The following MTBP variants were observed in gnomAD, a reference collection of about 807,000 sequenced individuals.
The protein encoded by MTBP is mdm2-binding protein.
Under a neutral mutation model 117.0 loss-of-function variants are expected in MTBP, and 101 were observed. The ratio of observed to expected loss-of-function variants is 0.86; its 90% CI spans 0.73 to 1.02. The LOEUF (loss-of-function observed/expected upper bound fraction) is 1.02, where lower values mean the gene tolerates loss of function less well. Among genes scored for constraint, MTBP ranks in the 50% least tolerant of loss-of-function variants. The pLI, the probability that MTBP is intolerant of heterozygous loss-of-function variation, is 0.00. For missense variants in MTBP, 970 were observed against 1,030.9 expected, an observed-to-expected ratio of 0.94 and a Z score of 0.81; for synonymous variants, 350 against 351.5, an observed-to-expected ratio of 1.00 and a Z score of 0.05.
intron 11 of MTBP, among the ~76,000 whole-genome samples, chr8:120,486,457 A>G (rs1814217500): frequency 6.6e-6 from 1 of 152,120 alleles, no homozygotes; most frequent in Admixed American, 6.5e-5. Context: ...TGAGGTGAAG[A>G]CATTTGGGTG....
intron 11 of MTBP, among the ~76,000 whole-genome samples, chr8:120,481,610 CAGAA>C (rs1814086819): frequency 6.6e-6 from 1 of 152,078 alleles, no homozygotes. Flanking sequence ...CAGAAGGAGA[CAGAA>C]AGCAGATCAA....
chr8:120,472,149 C>G (rs544505795), intron 11 of MTBP: 2 of 152,156 alleles, frequency 1.3e-5, no homozygotes, highest in East Asian at 3.9e-4. Flanking sequence ...AGAAATACTC[C>G]ACAGCGCCCT....
At chr8:120,466,479 G>A (rs1025067458) in intron 10 of MTBP, among the ~76,000 whole-genome samples, 8 of 151,126 alleles carry the variant, frequency 5.3e-5, no homozygotes, top group African/African-American at 1.9e-4. Context: ...GCCTCCCAAA[G>A]TGCTGGCTTT....
At chr8:120,507,906 T>TTCAAA (rs1188050719) in intron 16 of MTBP, among the ~76,000 whole-genome samples, 1 of 152,146 alleles carries the variant, frequency 6.6e-6, no homozygotes, top group African/African-American at 2.4e-5. Context: ...TTACTGTCCT[T>TTCAAA]TCAAATCATT....
intron 2 of MTBP, among the ~76,000 whole-genome samples, chr8:120,446,783 A>T (rs1191851970): frequency 6.6e-6 from 1 of 150,934 alleles, no homozygotes; most frequent in African/African-American, 2.5e-5. Flanking sequence ...TTAGTTCTGT[A>T]TAACTAAGGG....
chr8:120,515,860 T>C (rs1814906285), intron 17 of MTBP, 65 bp from the exon 18 acceptor site: 1 of 1,419,812 alleles, frequency 7.0e-7, no homozygotes, highest in Admixed American at 2.0e-5. Flanking sequence ...TATTTTCTCA[T>C]TGAAAGGGGA....
chr8:120,512,169 ATAT>A (rs1322493289), intron 17 of MTBP, among the ~76,000 whole-genome samples: 1 of 152,150 alleles, frequency 6.6e-6, no homozygotes, highest in Non-Finnish European at 1.5e-5. Context: ...AACAGTGTTT[ATAT>A]TATTATTATG....
At position 120,450,988 on chromosome 8, in the gene MTBP, G is replaced by C. The variant is rs747672303; in HGVS notation, c.200-15G>C. ...TGGTATGCCTTTTTAATAATAATGT[G>C]GTTTTATTTTCAAGCCTGTTCAGTG... On this transcript the variant is annotated splice_polypyrimidine_tract_variant and intron_variant, in intron 2 of 21. Transcript: ENST00000305949. The C allele has an allele frequency of 4.4e-6, 7 of 1,594,800 alleles. 1 individual carries two copies. In the South Asian group the frequency reaches 7.9e-5, roughly 18 times the overall value.
At chr8:120,454,475 A>G (rs2130515408) in intron 5 of MTBP, among the ~76,000 whole-genome samples, 1 of 152,150 alleles carries the variant, frequency 6.6e-6, no homozygotes, top group Admixed American at 6.5e-5. Flanking sequence ...TTAATCAAGT[A>G]GCTGTCATCT....
intron 11 of MTBP, among the ~76,000 whole-genome samples, chr8:120,485,629 C>T (rs1190041929): frequency 6.6e-6 from 1 of 152,166 alleles, no homozygotes; most frequent in Non-Finnish European, 1.5e-5. Context: ...GGACCTCTCA[C>T]AAGTATTTTC....
At chr8:120,482,471 T>A (rs548975384) in intron 11 of MTBP, among the ~76,000 whole-genome samples, 12 of 152,206 alleles carry the variant, frequency 7.9e-5, no homozygotes, top group Non-Finnish European at 1.2e-4. Flanking sequence ...TTGCTGTTCA[T>A]AATGAGTAAG....
At chr8:120,458,066 A>G (rs924793131) in intron 7 of MTBP, among the ~76,000 whole-genome samples, 2 of 152,070 alleles carry the variant, frequency 1.3e-5, no homozygotes, top group Non-Finnish European at 2.9e-5. Context: ...CAGAGAGATA[A>G]TGGCAGAGTT....
Position 120,445,464 on chromosome 8 carries a change from T to C in MTBP, c.-7T>C. On this transcript the variant is annotated 5_prime_UTR_variant, in exon 1 of 22. Transcript: ENST00000305949. ...AGACCTAAAGTTGGGGGGTGATCTC[T>C]GAGGAGATGGATCGGTACCTGCTGC... 6.2e-7 allele frequency: 1 copy of C among 1,611,400 alleles called. No individual in the cohort carries two copies. Among genetic ancestry groups the C allele is most frequent in the Non-Finnish European group, 8.5e-7 (1 of 1,178,362 alleles).
intron 11 of MTBP, among the ~76,000 whole-genome samples, chr8:120,485,945 CTTCT>C (rs1485765669): frequency 6.6e-6 from 1 of 152,134 alleles, no homozygotes; most frequent in African/African-American, 2.4e-5. Context: ...TCCCTGATAC[CTTCT>C]TTGTCTGCCT....
chr8:120,511,918 A>C (rs898793450), intron 17 of MTBP, among the ~76,000 whole-genome samples: 3 of 151,738 alleles, frequency 2.0e-5, no homozygotes, highest in African/African-American at 7.3e-5. Context: ...TAAAATATTG[A>C]CTCTGCTATG....
chr8:120,459,161 C>T, intron 7 of MTBP, 54 bp from the exon 8 acceptor site: 1 of 1,461,480 alleles, frequency 6.8e-7, no homozygotes, highest in South Asian at 1.2e-5. Context: ...ATGTATTAAT[C>T]TTTATAGCAT....
At chr8:120,482,411 T>C (rs1218188596) in intron 11 of MTBP, among the ~76,000 whole-genome samples, 8 of 152,202 alleles carry the variant, frequency 5.3e-5, no homozygotes, top group Non-Finnish European at 1.0e-4. Context: ...CTTTTTGTTA[T>C]TCGGTCCAAT....
intron 13 of MTBP, among the ~76,000 whole-genome samples, chr8:120,495,962 T>TC (rs957648719): frequency 3.2e-4 from 49 of 151,952 alleles, no homozygotes; most frequent in Non-Finnish European, 4.3e-4. Flanking sequence ...TACCCACTTC[T>TC]CCCCCCCAAC....
At chr8:120,446,995 G>A (rs1037991414) in intron 2 of MTBP, among the ~76,000 whole-genome samples, 3 of 151,918 alleles carry the variant, frequency 2.0e-5, no homozygotes, top group Admixed American at 6.6e-5. Flanking sequence ...GAAGTATTTC[G>A]CTTTTTTGAC....
Sources: gnomAD v4.1 joint callset for allele counts (sites outside exome capture counted in the v4.1 genomes callset) on GRCh38, gnomAD v4.1.1 for gene constraint, MANE v1.5 for transcripts, NCBI Gene and HGNC (gene_info 2026-07-23, HGNC 2026-07-21) for gene names.